GALNT17: variants seen among roughly 807,000 people sequenced by gnomAD.
The protein encoded by GALNT17 is UDP-GalNAc:polypeptide N-acetylgalactosaminyltransferase-like 3.
A neutral mutation model predicts 63.7 loss-of-function variants in GALNT17; 29 were observed. The ratio of observed to expected loss-of-function variants is 0.46; its 90% CI spans 0.34 to 0.62. GALNT17 has a LOEUF of 0.62. GALNT17 is among the 20% of genes least tolerant of loss of function. The probability of loss-of-function intolerance (pLI) is 0.01; values close to 1 mark genes in which losing one functional copy is unlikely to be tolerated. For synonymous variants in GALNT17, 305 were observed against 318.3 expected, an observed-to-expected ratio of 0.96 and a Z score of 0.45; for missense variants, 603 against 799.6, an observed-to-expected ratio of 0.75 and a Z score of 2.97.
intron 1 of GALNT17, among the ~76,000 whole-genome samples, chr7:71,176,640 G>A (rs1451384616): frequency 1.3e-5 from 2 of 152,138 alleles, no homozygotes; most frequent in Non-Finnish European, 2.9e-5. Context: ...AGACAACCAT[G>A]TTTCCTAGTT....
intron 5 of GALNT17, among the ~76,000 whole-genome samples, chr7:71,478,777 A>G (rs888274701): frequency 1.3e-5 from 2 of 152,212 alleles, no homozygotes; most frequent in Non-Finnish European, 2.9e-5. Context: ...ATGAAAATGT[A>G]TCATGCAAAA....
At chr7:71,268,798 G>A (rs1790535945) in intron 1 of GALNT17, among the ~76,000 whole-genome samples, 1 of 152,072 alleles carries the variant, frequency 6.6e-6, no homozygotes. Context: ...GGTTGGGGTT[G>A]TGCCTGTCTC....
intron 3 of GALNT17, among the ~76,000 whole-genome samples, chr7:71,402,759 A>C (rs34419262): frequency 0.067 from 10,132 of 150,180 alleles, 462 homozygotes; most frequent in Admixed American, 0.11. Context: ...TCACACTGGC[A>C]TTGTTTGCTT....
At chr7:71,229,338 T>C (rs1177646397) in intron 1 of GALNT17, among the ~76,000 whole-genome samples, 1 of 152,178 alleles carries the variant, frequency 6.6e-6, no homozygotes, top group Non-Finnish European at 1.5e-5. Context: ...CCTTCTGCCT[T>C]AGCAGACTGG....
At chr7:71,292,668 A>AGTGT (rs201057078) in intron 1 of GALNT17, among the ~76,000 whole-genome samples, 43 of 67,370 alleles carry the variant, frequency 6.4e-4, no homozygotes, top group African/African-American at 2.0e-3. Context: ...AGAGAGAGAG[A>AGTGT]GTGTGTGTGT....
intron 4 of GALNT17, among the ~76,000 whole-genome samples, chr7:71,419,951 A>G (rs898041685): frequency 2.6e-5 from 4 of 152,246 alleles, no homozygotes; most frequent in African/African-American, 9.6e-5. Flanking sequence ...CAATAGCTGC[A>G]AATGAAAAGA....
intron 5 of GALNT17, among the ~76,000 whole-genome samples, chr7:71,469,048 G>A (rs1056760582): frequency 2.0e-5 from 3 of 152,058 alleles, no homozygotes; most frequent in Admixed American, 1.3e-4. Flanking sequence ...TAGAGAGCAC[G>A]GTGTTGGGAG....
intron 6 of GALNT17, among the ~76,000 whole-genome samples, chr7:71,598,868 G>C (rs540889778): frequency 3.1e-4 from 47 of 151,968 alleles, no homozygotes; most frequent in Non-Finnish European, 6.2e-4. Context: ...AGAACGGGGG[G>C]GATTGCGTGG....
chr7:71,307,069 C>G (rs1403767321), intron 1 of GALNT17, among the ~76,000 whole-genome samples: 1 of 152,092 alleles, frequency 6.6e-6, no homozygotes, highest in Non-Finnish European at 1.5e-5. Flanking sequence ...AGTGATCTGC[C>G]CACCTTGGCC....
intron 1 of GALNT17, among the ~76,000 whole-genome samples, chr7:71,172,369 A>T (rs34979958): frequency 0.085 from 12,791 of 151,014 alleles, 633 homozygotes; most frequent in Non-Finnish European, 0.11. Flanking sequence ...AGACAGGAGG[A>T]TTGCTTGAGC....
At chr7:71,307,783 G>A (rs1403853902) in intron 1 of GALNT17, 3 of 152,270 alleles carry the variant, frequency 2.0e-5, no homozygotes, top group African/African-American at 7.3e-5. Flanking sequence ...TGGTTGGTGA[G>A]TATTGGTTAG....
At chr7:71,365,788 A>G (rs997525869) in intron 2 of GALNT17, among the ~76,000 whole-genome samples, 4 of 152,112 alleles carry the variant, frequency 2.6e-5, no homozygotes, top group Admixed American at 2.6e-4. Context: ...CATGGAAGAC[A>G]ATTTTTCTAT....
chr7:71,687,138 T>G lies in GALNT17; in HGVS notation c.1500+9832T>G, dbSNP rs190716755. Among the ~76,000 whole-genome samples the G allele has an allele frequency of 8.5e-5, 13 of 152,338 alleles. No homozygotes were observed. In the East Asian group the frequency reaches 2.5e-3, roughly 29 times the overall value. ...CGACGTCTCCTCTGTGTGTCCTCCC[T>G]GTTAATACATTTTCCTCCTCTTCTC... is the stretch of plus-strand genomic sequence containing the variant. On this transcript the variant is annotated intron_variant, in intron 9 of 10. Coordinates refer to ENST00000333538, the MANE Select transcript of GALNT17 (RefSeq NM_022479.3).
At chr7:71,142,547 T>G (rs1338723557) in intron 1 of GALNT17, among the ~76,000 whole-genome samples, 1 of 152,214 alleles carries the variant, frequency 6.6e-6, no homozygotes, top group Non-Finnish European at 1.5e-5. Context: ...GACTAGATGC[T>G]AAGAGTACAA....
At chr7:71,583,567 T>C (rs1036974257) in intron 6 of GALNT17, among the ~76,000 whole-genome samples, 1 of 152,220 alleles carries the variant, frequency 6.6e-6, no homozygotes, top group African/African-American at 2.4e-5. Flanking sequence ...AACGAAGTTT[T>C]ATTGGACATG....
intron 5 of GALNT17, among the ~76,000 whole-genome samples, chr7:71,541,306 A>C (rs563891421): frequency 2.8e-4 from 43 of 151,962 alleles, no homozygotes; most frequent in African/African-American, 1.0e-3. Context: ...GGCCTGGCTG[A>C]ACTACACTTC....
At position 71,675,156 on chromosome 7, in the gene GALNT17, C is replaced by T. The variant is rs147215225; in HGVS notation, c.1405-2055C>T. ...CCGAGATTGCGCCACTGCATTCCAG[C>T]CTGGTGACAGAGCAAGACTCCGTCT... is the stretch of plus-strand genomic sequence containing the variant. On this transcript the variant is annotated intron_variant, in intron 8 of 10. Transcript: ENST00000333538. Among the ~76,000 whole-genome samples the T allele has an allele frequency of 5.2e-3, 798 of 152,132 alleles. 9 individuals are homozygous for T. The highest frequency in any genetic ancestry group is 0.018 in the African/African-American group (754 of 41,506).
intron 5 of GALNT17, among the ~76,000 whole-genome samples, chr7:71,480,451 C>T (rs1295933382): frequency 1.3e-5 from 2 of 152,096 alleles, no homozygotes; most frequent in Non-Finnish European, 2.9e-5. Flanking sequence ...TCATACGTGG[C>T]ATCCTCTGCA....
At chr7:71,157,741 A>G (rs1788264083) in intron 1 of GALNT17, among the ~76,000 whole-genome samples, 1 of 151,780 alleles carries the variant, frequency 6.6e-6, no homozygotes, top group South Asian at 2.1e-4. Context: ...GTAGTAACAA[A>G]TACATTTATA....
Sources: gnomAD v4.1 joint callset for allele counts (sites outside exome capture counted in the v4.1 genomes callset) on GRCh38, gnomAD v4.1.1 for gene constraint, MANE v1.5 for transcripts, NCBI Gene and HGNC (gene_info 2026-07-23, HGNC 2026-07-21) for gene names.